Variants in RANBP3 observed in about 807,000 individuals in gnomAD.
RANBP3 encodes RAN binding protein 3, also known as ran-binding protein 3.
A neutral mutation model predicts 77.3 loss-of-function variants in RANBP3; 14 were observed. The observed-to-expected ratio is 0.18, with a 90% CI of 0.12 to 0.28. The LOEUF (loss-of-function observed/expected upper bound fraction) is 0.28. RANBP3 is among the 10% of genes least tolerant of loss of function. The probability of loss-of-function intolerance (pLI) is 1.00; values close to 1 mark genes in which losing one functional copy is unlikely to be tolerated. For missense variants in RANBP3, 586 were observed against 752.3 expected, an observed-to-expected ratio of 0.78 and a Z score of 2.59; for synonymous variants, 315 against 312.4, an observed-to-expected ratio of 1.01 and a Z score of -0.09.
At chr19:5,940,507 A>C (rs2058121896) in intron 5 of RANBP3, among the ~76,000 whole-genome samples, 1 of 152,166 alleles carries the variant, frequency 6.6e-6, no homozygotes, top group African/African-American at 2.4e-5. Context: ...GCTGTGCAAA[A>C]AGACGCGGCC....
chr19:5,960,245 G>A (rs1390182554), intron 1 of RANBP3, among the ~76,000 whole-genome samples: 1 of 152,212 alleles, frequency 6.6e-6, no homozygotes, highest in Non-Finnish European at 1.5e-5. Context: ...GCCAATCAGT[G>A]CTGATTTTTG....
At position 5,958,111 on chromosome 19, in the gene RANBP3, G is replaced by C; in HGVS notation, c.23-138C>G. 1 of 788,200 alleles carries C rather than the reference G, an allele frequency of 1.3e-6. No homozygotes were observed. Among genetic ancestry groups the C allele is most frequent in the East Asian group, 2.7e-5 (1 of 37,090 alleles). The allele number at this position is 788,200 out of a possible 1,614,324, so 48.8% of individuals were successfully genotyped here. A position where few individuals can be genotyped will look rare whatever the true frequency, so the allele number is the denominator to read the frequency against. Reference sequence around the variant, plus strand: ...AGAGAACATCAAATCACTTAGAACAGCGTCTTGACTCGGATGCCTGGAGGC... The same window carrying C: ...AGAGAACATCAAATCACTTAGAACACCGTCTTGACTCGGATGCCTGGAGGC... On this transcript the variant is annotated intron_variant, in intron 1 of 16. Transcript: ENST00000340578. The surrounding 1 kb of genome is among the most constrained non-coding windows in gnomAD (Gnocchi z 4.4).
chr19:5,969,102 T>C (rs921787126), intron 1 of RANBP3, among the ~76,000 whole-genome samples: 28 of 152,088 alleles, frequency 1.8e-4, no homozygotes, highest in Admixed American at 2.6e-4. Flanking sequence ...TGGAGGCCCA[T>C]GTTTGGAGGG....
At position 5,941,721 on chromosome 19, in the gene RANBP3, TGAGAA is replaced by T; in HGVS notation, c.320-19_320-15del. The T allele has an allele frequency of 1.2e-6, 2 of 1,613,024 alleles. No homozygotes were observed. Among genetic ancestry groups the T allele is most frequent in the South Asian group, 1.1e-5 (1 of 91,048 alleles). On this transcript the variant is annotated splice_polypyrimidine_tract_variant and intron_variant, in intron 4 of 16. Coordinates refer to ENST00000340578, the MANE Select transcript of RANBP3 (RefSeq NM_007322.3). Reference sequence around the variant, plus strand: ...CTCTGTCAGAATCTACAGAAAATGATGAGAAGAGGAGGAGAAAAATCAGGTTGCTT... The same window carrying T: ...CTCTGTCAGAATCTACAGAAAATGATGAGGAGGAGAAAAATCAGGTTGCTT...
rs1381211448 is a variant in RANBP3, at chr19:5,933,407, G to A, written c.472+7C>T. On this transcript the variant is annotated splice_region_variant and intron_variant, in intron 6 of 16. Transcript: ENST00000340578. ...CACCCCCCGCCCCAGGGAGGTAGAC[G>A]ACCTACCTGCGCTGGGGGCTTGGCC... 4.4e-6 allele frequency: 7 copies of A among 1,607,968 alleles called. No individual in the cohort carries two copies. Among genetic ancestry groups the A allele is most frequent in the African/African-American group, 1.3e-5 (1 of 74,712 alleles).
intron 2 of RANBP3, among the ~76,000 whole-genome samples, chr19:5,955,262 C>G (rs540063352): frequency 3.3e-5 from 5 of 152,302 alleles, no homozygotes; most frequent in African/African-American, 1.2e-4. Flanking sequence ...TCCTGAGTAG[C>G]TGGGATTACA....
At chr19:5,935,282 C>T (rs1048070592) in intron 5 of RANBP3, among the ~76,000 whole-genome samples, 1 of 152,176 alleles carries the variant, frequency 6.6e-6, no homozygotes, top group Non-Finnish European at 1.5e-5. Context: ...GAGTCCAGCC[C>T]CAGGGGCTTC....
intron 1 of RANBP3, among the ~76,000 whole-genome samples, chr19:5,963,427 T>C (rs1396697450): frequency 6.6e-6 from 1 of 152,176 alleles, no homozygotes; most frequent in Non-Finnish European, 1.5e-5. Flanking sequence ...GGCGCACTCC[T>C]GTAGTCCCAG....
At chr19:5,922,679 C>T (rs1167127216) in intron 13 of RANBP3, among the ~76,000 whole-genome samples, 1 of 152,240 alleles carries the variant, frequency 6.6e-6, no homozygotes, top group Non-Finnish European at 1.5e-5. Flanking sequence ...GTGGCTCACG[C>T]CTGTCATCCC....
At chr19:5,943,139 C>G (rs1441182137) in intron 3 of RANBP3, among the ~76,000 whole-genome samples, 6 of 152,248 alleles carry the variant, frequency 3.9e-5, no homozygotes. Context: ...TGAGTGAGGG[C>G]CGCTCCTCCT....
intron 2 of RANBP3, among the ~76,000 whole-genome samples, 198 bp downstream of exon 2, chr19:5,957,720 C>A (rs2058352108): frequency 6.6e-6 from 1 of 152,106 alleles, no homozygotes; most frequent in Admixed American, 6.6e-5. Context: ...CAGACCCATC[C>A]TAACCTCTCT....
chr19:5,946,210 G>C (rs573802511), intron 3 of RANBP3, among the ~76,000 whole-genome samples: 1 of 152,184 alleles, frequency 6.6e-6, no homozygotes, highest in Non-Finnish European at 1.5e-5. Context: ...CTATCACATA[G>C]GGAAATGATC....
intron 3 of RANBP3, among the ~76,000 whole-genome samples, chr19:5,946,971 T>G (rs1338224286): frequency 6.6e-6 from 1 of 152,068 alleles, no homozygotes; most frequent in African/African-American, 2.4e-5. Context: ...TGGGACACAC[T>G]CAGGGTCAGC....
At chr19:5,918,389 C>CG in intron 15 of RANBP3, 107 bp downstream of exon 15, 1 of 236,544 alleles carries the variant, frequency 4.2e-6, no homozygotes, top group Non-Finnish European at 8.6e-6. Context: ...GCAACTGAAG[C>CG]CCCTCCCCCC....
chr19:5,942,829 G>A (rs1373596131), intron 3 of RANBP3, among the ~76,000 whole-genome samples: 2 of 152,102 alleles, frequency 1.3e-5, no homozygotes, highest in Non-Finnish European at 2.9e-5. Flanking sequence ...AGACCAGCCT[G>A]GGAAACATGG....
intron 5 of RANBP3, among the ~76,000 whole-genome samples, chr19:5,936,422 T>TGCAG (rs60894956): frequency 2.8e-4 from 43 of 151,050 alleles, no homozygotes; most frequent in Admixed American, 8.6e-4. Context: ...CATCTCCACA[T>TGCAG]GCAGGCAGGC....
chr19:5,973,334 G>GC (rs2058551642), intron 1 of RANBP3, among the ~76,000 whole-genome samples: 1 of 152,154 alleles, frequency 6.6e-6, no homozygotes, highest in Admixed American at 6.5e-5. Context: ...ACCTGGTCAG[G>GC]CTTTTAAATC....
chr19:5,968,852 C>T (rs541296905), intron 1 of RANBP3, among the ~76,000 whole-genome samples: 117 of 152,336 alleles, frequency 7.7e-4, no homozygotes, highest in African/African-American at 2.6e-3. Flanking sequence ...CAGACAAGGC[C>T]GCAGCTCTCT....
chr19:5,922,390 G>A (rs1046905146), intron 13 of RANBP3, among the ~76,000 whole-genome samples: 6 of 152,250 alleles, frequency 3.9e-5, no homozygotes, highest in South Asian at 4.1e-4. Flanking sequence ...TACGCCACCC[G>A]GTTTACAGAC....
Sources: allele counts gnomAD v4.1 joint callset (sites outside exome capture counted in the v4.1 genomes callset), GRCh38; gene constraint gnomAD v4.1.1; non-coding constraint Gnocchi (gnomAD v3.1); transcripts MANE v1.5; gene names NCBI Gene and HGNC (gene_info 2026-07-23, HGNC 2026-07-21).